Variants in USP54 observed in about 807,000 individuals in gnomAD.
USP54 encodes the protein ubiquitin carboxyl-terminal hydrolase 54.
USP54 carries 87 observed loss-of-function variants against 170.5 expected under a neutral mutation model. That is an observed-to-expected ratio of 0.51 (90% CI 0.43 to 0.61). The LOEUF is 0.61. Ranked by LOEUF, USP54 falls within the 20% of genes least tolerant of loss-of-function variation. The pLI, the probability that USP54 is intolerant of heterozygous loss-of-function variation, is 0.00. For missense variants in USP54, 1,786 were observed against 2,047.8 expected, an observed-to-expected ratio of 0.87 and a Z score of 2.47; for synonymous variants, 655 against 742.8, an observed-to-expected ratio of 0.88 and a Z score of 1.92.
At chr10:73,553,862 T>A (rs2070269928) in intron 4 of USP54, among the ~76,000 whole-genome samples, 1 of 152,192 alleles carries the variant, frequency 6.6e-6, no homozygotes, top group African/African-American at 2.4e-5. Flanking sequence ...TTGGATGCAG[T>A]ACAAAAGCAA....
At chr10:73,535,635 G>A (rs1028408457) in intron 11 of USP54, among the ~76,000 whole-genome samples, 13 of 152,112 alleles carry the variant, frequency 8.5e-5, no homozygotes, top group African/African-American at 1.4e-4. Context: ...ACAGAAAGTC[G>A]TTACTTAAGT....
chr10:73,549,479 C>T (rs1357857960), intron 4 of USP54, among the ~76,000 whole-genome samples: 1 of 152,200 alleles, frequency 6.6e-6, no homozygotes, highest in Non-Finnish European at 1.5e-5. Flanking sequence ...ATTTTGCCTT[C>T]TTGTCCCATC....
chr10:73,530,175 T>C lies in USP54; in HGVS notation c.1796A>G (p.Tyr599Cys). 6.2e-7 allele frequency: 1 copy of C among 1,613,758 alleles called. No individual in the cohort carries two copies. Among genetic ancestry groups the C allele is most frequent in the Non-Finnish European group, 8.5e-7 (1 of 1,179,980 alleles). ...FSKDKRKHCG[Y>C]TQLSPFSEDS... is the part of the protein sequence containing the mutation. ...CTCAGAAAAGGGGCTAAGCTGGGTA[T>C]AGCCACAGTGCTTCCTTTTGTCCTT... Residue 599 changes from tyrosine to cysteine, a missense_variant, in exon 14 of 24, where the codon TAT becomes TGT. Tyr to Cys is a radical substitution (Grantham distance 194). Around this residue, in one of 3 missense-constraint regions of USP54, gnomAD observed 1,418 missense variants for 1,569.0 expected, o/e 0.90. Coordinates refer to ENST00000687698, the MANE Select transcript of USP54 (RefSeq NM_001391956.1).
Position 73,498,871 on chromosome 10 carries a change from G to T in USP54, c.4813C>A (p.Pro1605Thr), listed in dbSNP as rs891073502. 1 of 1,613,560 alleles carries T rather than the reference G, an allele frequency of 6.2e-7. No homozygotes were observed. The highest frequency in any genetic ancestry group is 1.3e-5 in the African/African-American group (1 of 74,928). The change falls in exon 24 of 24, where the codon CCA becomes ACA. Residue 1605 changes from proline to threonine, a missense_variant. By Grantham distance (38) the Pro-to-Thr change is conservative. This residue lies in a region of USP54 where 1,418 missense variants were observed against 1,569.0 expected (regional missense o/e 0.90). Coordinates refer to ENST00000687698, the MANE Select transcript of USP54 (RefSeq NM_001391956.1). ...GGTACATGAAGACTGCTAGATGGTG[G>T]GTACACAGGATGAACAATGGGAGGG... ...SHPPIVHPVY[P>T]PSSSLHVPLR...
At chr10:73,573,315 G>A (rs1338354775) in intron 3 of USP54, among the ~76,000 whole-genome samples, 3 of 151,918 alleles carry the variant, frequency 2.0e-5, no homozygotes, top group African/African-American at 7.3e-5. Context: ...AAGAAATAAA[G>A]AAAGAAAACT....
At position 73,607,885 on chromosome 10, in the gene USP54, C is replaced by T. The variant is rs575148870; in HGVS notation, c.-18+17682G>A. On this transcript the variant is annotated intron_variant, in intron 1 of 22. Coordinates refer to the USP54 transcript ENST00000339859. ...GTAATCCTTCAGAGGAAGAAATGTG[C>T]TTAATTGAGTAGTAAGGATTAAATG... Among the ~76,000 whole-genome samples the T allele has an allele frequency of 4.0e-5, 6 of 151,010 alleles. No homozygotes were observed. The South Asian group carries it at 1.3e-3, about 32-fold the overall frequency.
chr10:73,613,871 C>A (rs1213692203), intron 1 of USP54: 1 of 149,506 alleles, frequency 6.7e-6, no homozygotes, highest in African/African-American at 2.5e-5. Flanking sequence ...CAGAGCAAGA[C>A]TCTGTCTTGA....
At position 73,516,437 on chromosome 10, in the gene USP54, G is replaced by A. The variant is rs1335607110; in HGVS notation, c.3989C>T (p.Ser1330Phe). 6.2e-7 allele frequency: 1 copy of A among 1,614,030 alleles called. No individual in the cohort carries two copies. The highest frequency in any genetic ancestry group is 8.5e-7 in the Non-Finnish European group (1 of 1,180,024). Residue 1330 changes from serine to phenylalanine, a missense_variant, in exon 20 of 24, where the codon TCT becomes TTT. Coordinates refer to ENST00000687698, the MANE Select transcript of USP54 (RefSeq NM_001391956.1). ...CCCCCATCCAGAACAGCCAGCTTGA[G>A]AAGCCTGAAGACTGGCCTGATACAG... is the stretch of plus-strand genomic sequence containing the variant. ...ESLYQASLQA[S>F]QAGCSGWGQQ...
At chr10:73,512,795 AC>A (rs2060420527) in intron 20 of USP54, among the ~76,000 whole-genome samples, 1 of 152,206 alleles carries the variant, frequency 6.6e-6, no homozygotes, top group Non-Finnish European at 1.5e-5. Context: ...ACTCTTTCAT[AC>A]TGTTTTCAGA....
intron 4 of USP54, among the ~76,000 whole-genome samples, chr10:73,569,923 A>AC: frequency 7.5e-6 from 1 of 133,834 alleles, no homozygotes; most frequent in Non-Finnish European, 1.7e-5. Context: ...AAAAAAAAAA[A>AC]AAAAAAAAAA....
intron 1 of USP54, among the ~76,000 whole-genome samples, chr10:73,617,562 G>A (rs1198103323): frequency 6.7e-6 from 1 of 150,306 alleles, no homozygotes; most frequent in Non-Finnish European, 1.5e-5. Flanking sequence ...AGGTGCAGTG[G>A]CTCATACGTG....
At chr10:73,530,581 C>A (rs1329864225) in intron 13 of USP54, 58 bp from the exon 14 acceptor site, 4 of 1,564,770 alleles carry the variant, frequency 2.6e-6, no homozygotes, top group South Asian at 2.5e-5. Context: ...GGATACTAGA[C>A]CCCAATGTCG....
intron 20 of USP54, among the ~76,000 whole-genome samples, chr10:73,507,854 A>G (rs2059447210): frequency 6.6e-6 from 1 of 151,684 alleles, no homozygotes; most frequent in South Asian, 2.1e-4. Flanking sequence ...TAAAAAAATT[A>G]GCCAGGTATG....
intron 1 of USP54, among the ~76,000 whole-genome samples, chr10:73,618,476 C>T (rs575811792): frequency 1.3e-5 from 2 of 150,524 alleles, no homozygotes; most frequent in Non-Finnish European, 2.9e-5. Context: ...GGCACAGGGG[C>T]TCACGCCTGT....
At chr10:73,611,924 C>T (rs1240677120) in intron 1 of USP54, among the ~76,000 whole-genome samples, 2 of 152,122 alleles carry the variant, frequency 1.3e-5, no homozygotes, top group Admixed American at 1.3e-4. Flanking sequence ...GGCTGCACAA[C>T]ACAGTGACAA....
rs531300310 is a variant in USP54 at position 73,604,024 on chromosome 10, GC to G, written c.-18+21542del. On this transcript the variant is annotated intron_variant, in intron 1 of 22. Transcript: ENST00000339859. The stretch of plus-strand genomic sequence containing the variant: ...CCAGCACTTTGGAAGGACGAAGGGG[GC>G]AGATCATGAGGTCAGGAGTTCGAGA... 3.6e-3 allele frequency among the ~76,000 whole-genome samples: 554 copies of G among 152,126 alleles called. 4 individuals are homozygous for G. Among genetic ancestry groups the G allele is most frequent in the African/African-American group, 0.013 (530 of 41,514 alleles).
chr10:73,529,809 C>G lies in USP54; in HGVS notation c.1931G>C (p.Gly644Ala). The G allele has an allele frequency of 6.2e-7, 1 of 1,612,654 alleles. No individual in the cohort carries two copies. The highest frequency in any genetic ancestry group is 1.3e-5 in the African/African-American group (1 of 75,034). Residue 644 changes from glycine (G) to alanine (A), a missense_variant, in exon 15 of 24, where the codon GGC (glycine) becomes GCC (alanine). Around this residue, in one of 3 missense-constraint regions of USP54, gnomAD observed 1,418 missense variants for 1,569.0 expected, o/e 0.90. Coordinates refer to ENST00000687698, the MANE Select transcript of USP54 (RefSeq NM_001391956.1). ...GGGGTGCTGCTCTAAAAGGTGAGAGCCTGGCCGTGCTGGGCCCCAGCGCTT... is the reference window on the plus strand; with the variant it reads ...GGGGTGCTGCTCTAAAAGGTGAGAGGCTGGCCGTGCTGGGCCCCAGCGCTT... ...QYKRWGPARP[G>A]SHLLEQHPRL...
At position 73,500,721 on chromosome 10, in the gene USP54, G is replaced by A; in HGVS notation, c.4429C>T (p.Gln1477Ter). The A allele has an allele frequency of 1.9e-6, 3 of 1,607,158 alleles. No individual in the cohort carries two copies. The highest frequency in any genetic ancestry group is 2.3e-5 in the East Asian group (1 of 43,734). The change falls in exon 23 of 24, where the codon CAA (glutamine) becomes TAA (stop). Residue 1477 changes from glutamine (Q) to a stop codon, truncating the protein, a stop_gained. Transcript: ENST00000687698. LOFTEE classifies it high-confidence loss of function. Reference sequence around the variant, plus strand: ...ACATCTGGGGACAGGAACTGTGGTTGGGGAAGGTAGAGTTGGGGACCGAGG... The same window carrying A: ...ACATCTGGGGACAGGAACTGTGGTTAGGGAAGGTAGAGTTGGGGACCGAGG... ...FLLGPQLYLPQPQFLSPDVLM... is the reference protein window; with the variant it reads ...FLLGPQLYLP
chr10:73,618,480 C>A (rs1475673127), intron 1 of USP54, among the ~76,000 whole-genome samples: 1 of 150,264 alleles, frequency 6.7e-6, no homozygotes, highest in Non-Finnish European at 1.5e-5. Context: ...CAGGGGCTCA[C>A]GCCTGTAATC....
Sources: allele counts gnomAD v4.1 joint callset (sites outside exome capture counted in the v4.1 genomes callset), GRCh38; gene constraint gnomAD v4.1.1; regional missense constraint gnomAD v4.1.1; transcripts MANE v1.5; gene names NCBI Gene and HGNC (gene_info 2026-07-23, HGNC 2026-07-21).